Variants in PLAAT3 observed in about 807,000 individuals in gnomAD.
PLAAT3 encodes the protein phospholipase A and acyltransferase 3, also known as Ca-independent phospholipase A1/2.
Under a neutral mutation model 16.7 loss-of-function variants are expected in PLAAT3, and 21 were observed. That is an observed-to-expected ratio of 1.26 (90% confidence interval 0.89 to 1.81). The LOEUF (loss-of-function observed/expected upper bound fraction) is 1.81, where lower values mean the gene tolerates loss of function less well. Among genes scored for constraint, PLAAT3 ranks in the 40% most tolerant of loss-of-function variants. The pLI is 0.00. For synonymous variants in PLAAT3, 76 were observed against 81.7 expected (o/e 0.93, Z 0.38); for missense variants, 219 against 213.7 (o/e 1.02, Z -0.16).
intron 4 of PLAAT3, among the ~76,000 whole-genome samples, chr11:63,582,699 T>C (rs1442403341): frequency 1.3e-5 from 2 of 152,214 alleles, no homozygotes; most frequent in African/African-American, 4.8e-5. Flanking sequence ...ACTGCTGTGT[T>C]TCCTGAGGTT....
chr11:63,589,409 C>CAAAAAAAAA (rs748851566), intron 4 of PLAAT3, among the ~76,000 whole-genome samples: 1 of 30,746 alleles, frequency 3.3e-5, no homozygotes, highest in Non-Finnish European at 7.9e-5. Flanking sequence ...TTCACCTATG[C>CAAAAAAAAA]AAAGAAAAAA....
At position 63,582,781 on chromosome 11, in the gene PLAAT3, G is replaced by A. The variant is rs79996661; in HGVS notation, c.387+7319C>T. 8.2e-3 allele frequency among the ~76,000 whole-genome samples: 1,243 copies of A among 152,200 alleles called. 10 individuals carry two copies. Among genetic ancestry groups the A allele is most frequent in the Non-Finnish European group, 0.013 (888 of 68,016 alleles). ...ATAAGCCTCAGTAGCATCAAGATAC[G>A]TATATATTTTTAACCACTGAAGATC... On this transcript the variant is annotated intron_variant, in intron 4 of 4. Transcript: ENST00000415826.
At chr11:63,605,614 G>A (rs12786469) in intron 2 of PLAAT3, among the ~76,000 whole-genome samples, 6 of 151,698 alleles carry the variant, frequency 4.0e-5, no homozygotes, top group South Asian at 2.1e-4. Context: ...GTGCAGTGGC[G>A]CGATCTCGGC....
chr11:63,584,055 T>C (rs941155065), intron 4 of PLAAT3, among the ~76,000 whole-genome samples: 12 of 152,202 alleles, frequency 7.9e-5, no homozygotes, highest in African/African-American at 2.9e-4. Context: ...TATGAAATAG[T>C]TGTATATTTT....
At chr11:63,581,058 CTG>C (rs1448072837) in intron 4 of PLAAT3, among the ~76,000 whole-genome samples, 19 of 152,204 alleles carry the variant, frequency 1.2e-4, no homozygotes, top group Admixed American at 1.2e-3. Flanking sequence ...TTTCTTATGC[CTG>C]TCTTTAATCT....
chr11:63,613,159 C>T (rs1938734801), intron 2 of PLAAT3, among the ~76,000 whole-genome samples: 1 of 152,098 alleles, frequency 6.6e-6, no homozygotes, highest in Admixed American at 6.5e-5. Flanking sequence ...CGCCTGTAAT[C>T]CCAGCACTTT....
intron 4 of PLAAT3, 24 bp from the exon 5 acceptor site, chr11:63,575,070 C>A: frequency 6.7e-7 from 1 of 1,499,748 alleles, no homozygotes; most frequent in South Asian, 1.1e-5. Context: ...GAGGGTGGGT[C>A]ACACTCTGTG....
chr11:63,600,044 G>T (rs762871342), intron 2 of PLAAT3, among the ~76,000 whole-genome samples: 146 of 152,280 alleles, frequency 9.6e-4, no homozygotes, highest in Non-Finnish European at 1.7e-3. Context: ...GTAGTGGCAT[G>T]ATCGTGGCTC....
intron 2 of PLAAT3, among the ~76,000 whole-genome samples, chr11:63,611,719 A>G (rs988233991): frequency 6.6e-6 from 1 of 152,266 alleles, no homozygotes; most frequent in Non-Finnish European, 1.5e-5. Context: ...TGATGTTTGA[A>G]AGCCTGGGTG....
chr11:63,579,127 C>A (rs1208617109), intron 4 of PLAAT3, among the ~76,000 whole-genome samples: 2 of 152,188 alleles, frequency 1.3e-5, no homozygotes, highest in Non-Finnish European at 2.9e-5. Context: ...AAAAAATGCT[C>A]ATCATCACTG....
At chr11:63,592,609 T>C (rs1938181561) in intron 3 of PLAAT3, among the ~76,000 whole-genome samples, 1 of 152,234 alleles carries the variant, frequency 6.6e-6, no homozygotes, top group African/African-American at 2.4e-5. Context: ...TGCAGCATTG[T>C]GGTTAAGTGC....
chr11:63,589,889 C>T (rs1938096660), intron 4 of PLAAT3, among the ~76,000 whole-genome samples: 1 of 151,376 alleles, frequency 6.6e-6, no homozygotes. Context: ...CTTGGCCACC[C>T]ACCCCCGCCC....
chr11:63,605,536 T>C lies in PLAAT3; in HGVS notation c.16-7373A>G, dbSNP rs116624051. On this transcript the variant is annotated intron_variant, in intron 2 of 4. Transcript: ENST00000415826. ...ATTCATTCCCTCTGTCCAGTGTCTT[T>C]TTTGTTCTTTGTTTTTGTTTTTGTT... Among the ~76,000 whole-genome samples, 270 of 152,172 alleles carry C rather than the reference T, an allele frequency of 1.8e-3. 3 individuals carry two copies. The highest frequency in any genetic ancestry group is 6.3e-3 in the African/African-American group (260 of 41,544).
intron 2 of PLAAT3, among the ~76,000 whole-genome samples, chr11:63,611,098 T>G (rs768834263): frequency 1.3e-4 from 19 of 151,622 alleles, no homozygotes; most frequent in Non-Finnish European, 2.4e-4. Context: ...TTGTTTGGAG[T>G]TTTTTGTTTT....
chr11:63,597,246 C>T (rs777370193), intron 3 of PLAAT3, among the ~76,000 whole-genome samples: 47 of 152,140 alleles, frequency 3.1e-4, no homozygotes, highest in African/African-American at 8.9e-4. Flanking sequence ...TCTGAAGGGC[C>T]GGGCGCGGTG....
Position 63,614,422 on chromosome 11 carries a change from T to G in PLAAT3, c.-92A>C. 2 of 188,370 alleles carry G rather than the reference T, an allele frequency of 1.1e-5. No homozygotes were observed. Among genetic ancestry groups the G allele is most frequent in the Admixed American group, 6.1e-5 (1 of 16,320 alleles). The allele number at this position is 188,370 out of a possible 1,614,324, so 11.7% of individuals were successfully genotyped here. On this transcript the variant is annotated 5_prime_UTR_variant, in exon 1 of 5. Coordinates refer to ENST00000415826, the MANE Select transcript of PLAAT3 (RefSeq NM_001128203.2). ...GAGGCAGCGCTGCAGCCCCAGCAATTGGACCGGGTCTAATGGCCGCGGTGG... is the reference window on the plus strand; with the variant it reads ...GAGGCAGCGCTGCAGCCCCAGCAATGGGACCGGGTCTAATGGCCGCGGTGG...
chr11:63,589,203 C>A (rs1938067428), intron 4 of PLAAT3, among the ~76,000 whole-genome samples: 1 of 151,086 alleles, frequency 6.6e-6, no homozygotes, highest in Non-Finnish European at 1.5e-5. Flanking sequence ...AGGCAGAGAC[C>A]AGGTCCAGCC....
At chr11:63,595,205 C>A (rs1271393957) in intron 3 of PLAAT3, among the ~76,000 whole-genome samples, 2 of 149,834 alleles carry the variant, frequency 1.3e-5, no homozygotes, top group African/African-American at 4.9e-5. Flanking sequence ...GCAGGAGACT[C>A]GCTTAAAAGC....
chr11:63,599,662 T>C (rs1272438439), intron 2 of PLAAT3, among the ~76,000 whole-genome samples: 1 of 152,178 alleles, frequency 6.6e-6, no homozygotes, highest in Non-Finnish European at 1.5e-5. Flanking sequence ...TGAGAACCTA[T>C]TTCAGAACAA....
Sources: gnomAD v4.1 joint callset for allele counts (sites outside exome capture counted in the v4.1 genomes callset) on GRCh38, gnomAD v4.1.1 for gene constraint, MANE v1.5 for transcripts, NCBI Gene and HGNC (gene_info 2026-07-23, HGNC 2026-07-21) for gene names.